The following ZDHHC15 variants were observed in gnomAD, a reference collection of about 807,000 sequenced individuals.
ZDHHC15 encodes the protein zDHHC palmitoyltransferase 15.
Under a neutral mutation model 31.7 loss-of-function variants are expected in ZDHHC15, and 19 were observed. The observed-to-expected ratio is 0.60, with a 90% CI of 0.42 to 0.88. The LOEUF is 0.88. Ranked by LOEUF, ZDHHC15 falls within the 40% of genes least tolerant of loss-of-function variation. The pLI is 0.00. For synonymous variants in ZDHHC15, 103 were observed against 90.0 expected, an observed-to-expected ratio of 1.14 and a Z score of -0.82; for missense variants, 209 against 251.2, an observed-to-expected ratio of 0.83 and a Z score of 1.14.
chrX:75,417,603 G>C (rs1282353509), intron 9 of ZDHHC15, among the ~76,000 whole-genome samples: 1 of 111,951 alleles, frequency 8.9e-6, no homozygotes, highest in East Asian at 2.8e-4. Flanking sequence ...GGTGTGAATT[G>C]GTGAAAGACA....
intron 3 of ZDHHC15, among the ~76,000 whole-genome samples, chrX:75,452,361 C>A (rs2084136120): frequency 9.0e-6 from 1 of 111,267 alleles, no homozygotes; most frequent in African/African-American, 3.3e-5. Context: ...ATATATGCAA[C>A]CAATACAGGA....
chrX:75,479,832 A>G (rs946920453), intron 2 of ZDHHC15, among the ~76,000 whole-genome samples: 5 of 112,005 alleles, frequency 4.5e-5, no homozygotes, highest in African/African-American at 1.3e-4. Context: ...TTGCTGCAAA[A>G]GACATGATTT....
At chrX:75,508,968 T>C (rs1422409684) in intron 1 of ZDHHC15, among the ~76,000 whole-genome samples, 1 of 111,482 alleles carries the variant, frequency 9.0e-6, no homozygotes, top group Non-Finnish European at 1.9e-5. Context: ...TCTGTTCATA[T>C]CCTTCGCCCA....
intron 3 of ZDHHC15, among the ~76,000 whole-genome samples, chrX:75,456,614 G>T (rs1387397916): frequency 9.0e-6 from 1 of 111,279 alleles, no homozygotes; most frequent in African/African-American, 3.3e-5. Flanking sequence ...GTGTAAATTA[G>T]TCCAACCACT....
At chrX:75,411,107 T>C (rs752204856) in intron 10 of ZDHHC15, among the ~76,000 whole-genome samples, 15 of 111,513 alleles carry the variant, frequency 1.3e-4, no homozygotes, top group Non-Finnish European at 2.6e-4. Context: ...GAGAGGAGAA[T>C]AAAGAGAAGT....
intron 2 of ZDHHC15, among the ~76,000 whole-genome samples, chrX:75,484,925 T>C (rs918507118): frequency 1.5e-4 from 17 of 112,030 alleles, no homozygotes; most frequent in African/African-American, 5.5e-4. Flanking sequence ...CAGATGAATC[T>C]TAAAAATATA....
At chrX:75,448,010 CCTT>C (rs2084057648) in intron 4 of ZDHHC15, among the ~76,000 whole-genome samples, 1 of 109,018 alleles carries the variant, frequency 9.2e-6, no homozygotes, top group Non-Finnish European at 1.9e-5. Flanking sequence ...CATTTCTACT[CCTT>C]GAGTCCTGGG....
chrX:75,385,301 C>G (rs1223018417), intron 10 of ZDHHC15, among the ~76,000 whole-genome samples: 1 of 110,948 alleles, frequency 9.0e-6, no homozygotes, highest in Non-Finnish European at 1.9e-5. Context: ...CCAATCCTCT[C>G]AGAAGGTCCA....
intron 4 of ZDHHC15, among the ~76,000 whole-genome samples, chrX:75,442,672 T>C (rs1223677516): frequency 8.9e-6 from 1 of 111,777 alleles, no homozygotes. Flanking sequence ...ATGAAGAACA[T>C]TCCATGCTCA....
chrX:75,481,890 C>T (rs1377588905), intron 2 of ZDHHC15, among the ~76,000 whole-genome samples: 2 of 112,303 alleles, frequency 1.8e-5, no homozygotes, highest in African/African-American at 3.2e-5. Flanking sequence ...GGTCACATCT[C>T]TCTTTGAGCC....
chrX:75,457,645 T>TCA (rs35992807), intron 3 of ZDHHC15, among the ~76,000 whole-genome samples: 11,321 of 93,708 alleles, frequency 0.12, 960 homozygotes, highest in East Asian at 0.64. Context: ...TTATTTACAC[T>TCA]CACACACACA....
At chrX:75,469,147 C>G (rs2084462637) in intron 3 of ZDHHC15, among the ~76,000 whole-genome samples, 1 of 111,190 alleles carries the variant, frequency 9.0e-6, no homozygotes, top group Non-Finnish European at 1.9e-5. Flanking sequence ...TTGCCAAATC[C>G]AAGATAATAA....
At chrX:75,401,628 T>TA (rs761217855) in intron 10 of ZDHHC15, among the ~76,000 whole-genome samples, 51 of 111,220 alleles carry the variant, frequency 4.6e-4, no homozygotes, top group African/African-American at 1.6e-3. Flanking sequence ...CCAACAAATA[T>TA]AAAAAAAGAC....
chrX:75,447,566 G>A (rs2084051387), intron 4 of ZDHHC15, among the ~76,000 whole-genome samples: 1 of 111,474 alleles, frequency 9.0e-6, no homozygotes, highest in South Asian at 3.8e-4. Context: ...TTGCAGGGCT[G>A]GGGCAAGATT....
At chrX:75,373,926 G>GTTTTTCT (rs2083027905) in intron 11 of ZDHHC15, among the ~76,000 whole-genome samples, 2 of 50,456 alleles carry the variant, frequency 4.0e-5, no homozygotes, top group Non-Finnish European at 6.8e-5. Context: ...CATTCTTTCT[G>GTTTTTCT]TTTTTTTTTT....
At chrX:75,395,530 T>A (rs1190570679) in intron 10 of ZDHHC15, among the ~76,000 whole-genome samples, 11 of 111,250 alleles carry the variant, frequency 9.9e-5, no homozygotes. Context: ...TGTGAAACAT[T>A]GAAAGAAATT....
intron 8 of ZDHHC15, among the ~76,000 whole-genome samples, chrX:75,422,980 A>T (rs752618046): frequency 1.5e-5 from 1 of 66,183 alleles, no homozygotes; most frequent in African/African-American, 6.4e-5. Flanking sequence ...AACAGGCCCC[A>T]GAGTGTGATG....
At chrX:75,411,521 C>T (rs1000715779) in intron 10 of ZDHHC15, among the ~76,000 whole-genome samples, 7 of 112,293 alleles carry the variant, frequency 6.2e-5, no homozygotes, top group Non-Finnish European at 1.3e-4. Flanking sequence ...CTGTACATTT[C>T]GATATAGCTA....
At chrX:75,418,790 TTA>T (rs1343722914) in intron 9 of ZDHHC15, among the ~76,000 whole-genome samples, 3 of 111,984 alleles carry the variant, frequency 2.7e-5, no homozygotes, top group Non-Finnish European at 5.6e-5. Flanking sequence ...TCCTTACACG[TTA>T]TACAAAAATT....
Sources: gnomAD v4.1 joint callset for allele counts (sites outside exome capture counted in the v4.1 genomes callset) on GRCh38, gnomAD v4.1.1 for gene constraint, MANE v1.5 for transcripts, NCBI Gene and HGNC (gene_info 2026-07-23, HGNC 2026-07-21) for gene names.